DMD: variants seen among roughly 807,000 people sequenced by gnomAD.
DMD encodes the protein mutant dystrophin.
A neutral mutation model predicts 330.1 loss-of-function variants in DMD; 63 were observed. The ratio of observed to expected loss-of-function variants is 0.19; its 90% CI spans 0.16 to 0.24. The LOEUF is 0.24. Among genes scored for constraint, DMD ranks in the 10% least tolerant of loss-of-function variants. The pLI is 1.00. For synonymous variants in DMD, 1,223 were observed against 959.8 expected, an observed-to-expected ratio of 1.27 and a Z score of -5.07; for missense variants, 3,344 against 2,684.1, an observed-to-expected ratio of 1.25 and a Z score of -5.43.
At chrX:33,143,845 C>T (rs1224422385) in intron 1 of DMD, among the ~76,000 whole-genome samples, 1 of 111,283 alleles carries the variant, frequency 9.0e-6, no homozygotes, top group African/African-American at 3.3e-5. Flanking sequence ...CAGAGGAAAT[C>T]AACACCGATA....
chrX:32,852,154 AG>A (rs2081189063), intron 2 of DMD, among the ~76,000 whole-genome samples: 1 of 111,473 alleles, frequency 9.0e-6, no homozygotes. Flanking sequence ...AGGAGAGGAT[AG>A]GGACAGTAAA....
At chrX:32,614,163 G>A (rs1184827748) in intron 12 of DMD, 140 bp downstream of exon 12, 2 of 629,254 alleles carry the variant, frequency 3.2e-6, no homozygotes, top group Admixed American at 3.9e-5. Flanking sequence ...AAAACAATTA[G>A]GTAAAAATAA....
At chrX:32,940,716 G>T (rs2146809132) in intron 2 of DMD, among the ~76,000 whole-genome samples, 1 of 111,561 alleles carries the variant, frequency 9.0e-6, no homozygotes, top group African/African-American at 3.3e-5. Flanking sequence ...GAAAACCTAA[G>T]AAACATCATT....
intron 52 of DMD, among the ~76,000 whole-genome samples, chrX:31,684,075 C>T (rs1569228531): frequency 8.9e-6 from 1 of 112,024 alleles, no homozygotes; most frequent in African/African-American, 3.2e-5. Flanking sequence ...ACCTCCAAAG[C>T]CCATGCCAAA....
intron 22 of DMD, among the ~76,000 whole-genome samples, chrX:32,470,926 G>A (rs1322786334): frequency 9.0e-6 from 1 of 111,430 alleles, no homozygotes; most frequent in African/African-American, 3.3e-5. Flanking sequence ...TAACTAATAC[G>A]TTTTCATGTC....
At chrX:32,975,986 C>T (rs948588682) in intron 2 of DMD, among the ~76,000 whole-genome samples, 2 of 111,402 alleles carry the variant, frequency 1.8e-5, no homozygotes, top group Non-Finnish European at 3.8e-5. Flanking sequence ...TTTGGGAGGC[C>T]GAGGTAGGTG....
At chrX:32,508,640 G>A (rs908266075) in intron 18 of DMD, among the ~76,000 whole-genome samples, 2 of 110,945 alleles carry the variant, frequency 1.8e-5, no homozygotes, top group Non-Finnish European at 3.8e-5. Flanking sequence ...AAGGAAGCTC[G>A]CTATTTATTT....
intron 1 of DMD, among the ~76,000 whole-genome samples, chrX:33,057,272 TGTTTA>T (rs764463018): frequency 1.8e-5 from 2 of 111,778 alleles, no homozygotes; most frequent in Non-Finnish European, 3.8e-5. Context: ...CTGTCCATCT[TGTTTA>T]GAAAAGACTT....
intron 54 of DMD, among the ~76,000 whole-genome samples, chrX:31,648,878 T>A (rs931975561): frequency 9.1e-6 from 1 of 109,833 alleles, no homozygotes; most frequent in Non-Finnish European, 1.9e-5. Context: ...ATTTCTAGAA[T>A]TGTGCAGAAA....
chrX:32,950,232 A>G (rs2091164425), intron 2 of DMD, among the ~76,000 whole-genome samples: 1 of 111,329 alleles, frequency 9.0e-6, no homozygotes, highest in East Asian at 2.8e-4. Flanking sequence ...TCTAGGATCT[A>G]TTGAGCACTT....
chrX:31,134,383 T>A (rs2034913563), intron 76 of DMD, among the ~76,000 whole-genome samples, 189 bp from the exon 77 acceptor site: 1 of 108,538 alleles, frequency 9.2e-6, no homozygotes. Flanking sequence ...CAGTAGTTTA[T>A]CTATATCATT....
intron 44 of DMD, among the ~76,000 whole-genome samples, chrX:32,141,430 C>T (rs1435084352): frequency 9.0e-5 from 8 of 88,746 alleles, no homozygotes; most frequent in Non-Finnish European, 1.6e-4. Flanking sequence ...AGCGAGACTC[C>T]GTCTCAAAAC....
At chrX:31,793,517 C>T (rs1370961962) in intron 50 of DMD, among the ~76,000 whole-genome samples, 1 of 111,700 alleles carries the variant, frequency 9.0e-6, no homozygotes, top group Non-Finnish European at 1.9e-5. Context: ...TTGAAAAATG[C>T]ATTTAATAAA....
At chrX:32,560,288 TATG>T (rs1386980895) in intron 16 of DMD, among the ~76,000 whole-genome samples, 2 of 110,560 alleles carry the variant, frequency 1.8e-5, no homozygotes, top group African/African-American at 3.3e-5. Flanking sequence ...TATGGCGTAA[TATG>T]ATAATTACAA....
intron 43 of DMD, among the ~76,000 whole-genome samples, chrX:32,274,616 A>T (rs1411349275): frequency 2.7e-5 from 3 of 112,341 alleles, no homozygotes; most frequent in Non-Finnish European, 5.6e-5. Flanking sequence ...TCTTTCACTT[A>T]ATAAATACAA....
At chrX:31,581,721 T>C (rs1185405017) in intron 55 of DMD, among the ~76,000 whole-genome samples, 2 of 112,144 alleles carry the variant, frequency 1.8e-5, no homozygotes, top group Non-Finnish European at 3.8e-5. Flanking sequence ...TTTGAAAAGA[T>C]AACTTATTAT....
intron 44 of DMD, among the ~76,000 whole-genome samples, chrX:31,975,109 T>C (rs1372442400): frequency 9.1e-6 from 1 of 110,320 alleles, no homozygotes; most frequent in African/African-American, 3.3e-5. Context: ...TTACCTAAAG[T>C]GAGGAAAATA....
chrX:32,386,264 A>G lies in DMD; in HGVS notation c.4674+46T>C, dbSNP rs778966036. The G allele has an allele frequency of 6.7e-5, 80 of 1,197,108 alleles. 1 individual carries two copies. The South Asian group carries it at 1.3e-3, about 19-fold the overall frequency. ...TTTATTGCCCGTTGCTTTACAATTT[A>G]TAAGGAAAGTGGAAAGAAGTGTTTG... On this transcript the variant is annotated intron_variant, in intron 33 of 78. Coordinates refer to ENST00000357033, the MANE Select transcript of DMD (RefSeq NM_004006.3).
chrX:32,384,577 A>G, intron 33 of DMD, among the ~76,000 whole-genome samples: 1 of 111,044 alleles, frequency 9.0e-6, no homozygotes, highest in Admixed American at 9.6e-5. Context: ...AAACAAGACT[A>G]TCTAAGAAAA....
Sources: allele counts gnomAD v4.1 joint callset (sites outside exome capture counted in the v4.1 genomes callset), GRCh38; gene constraint gnomAD v4.1.1; transcripts MANE v1.5; gene names NCBI Gene and HGNC (gene_info 2026-07-23, HGNC 2026-07-21).